The following SORCS1 variants were observed in gnomAD, a reference collection of about 807,000 sequenced individuals.
The protein encoded by SORCS1 is VPS10 domain-containing receptor SorCS1.
A neutral mutation model predicts 146.1 loss-of-function variants in SORCS1; 60 were observed. That is an observed-to-expected ratio of 0.41 (90% confidence interval 0.33 to 0.51). The LOEUF is 0.51. SORCS1 is among the 20% of genes least tolerant of loss of function. The pLI is 0.21. For missense variants in SORCS1, 1,352 were observed against 1,487.6 expected (o/e 0.91, Z 1.50); for synonymous variants, 637 against 584.0 (o/e 1.09, Z -1.31).
At chr10:106,985,920 G>A (rs1956451838) in intron 1 of SORCS1, among the ~76,000 whole-genome samples, 1 of 151,458 alleles carries the variant, frequency 6.6e-6, no homozygotes, top group Non-Finnish European at 1.5e-5. Context: ...TTTCCCCAAG[G>A]GTTCAGTCAT....
chr10:106,965,253 T>G (rs2139119674), intron 1 of SORCS1, among the ~76,000 whole-genome samples: 1 of 152,210 alleles, frequency 6.6e-6, no homozygotes, highest in Middle Eastern at 3.4e-3. Flanking sequence ...TTGTGGTTTT[T>G]GTTGTATTTT....
intron 23 of SORCS1, among the ~76,000 whole-genome samples, chr10:106,602,920 G>T (rs1369122653): frequency 1.3e-5 from 2 of 152,126 alleles, no homozygotes; most frequent in African/African-American, 4.8e-5. Context: ...TCCCTATCGA[G>T]ATCTGCCTTT....
At chr10:106,821,664 G>A (rs1038911383) in intron 3 of SORCS1, among the ~76,000 whole-genome samples, 7 of 152,202 alleles carry the variant, frequency 4.6e-5, no homozygotes, top group Admixed American at 2.6e-4. Flanking sequence ...GCTCATGCCT[G>A]TAATCCCAGC....
intron 2 of SORCS1, among the ~76,000 whole-genome samples, chr10:106,871,739 T>C (rs868729013): frequency 2.0e-5 from 3 of 152,132 alleles, no homozygotes; most frequent in African/African-American, 4.8e-5. Flanking sequence ...TGGGGTGTAA[T>C]TGAAGGTGGA....
chr10:107,074,331 A>G (rs1017587166), intron 1 of SORCS1, among the ~76,000 whole-genome samples: 1 of 152,076 alleles, frequency 6.6e-6, no homozygotes, highest in Non-Finnish European at 1.5e-5. Context: ...TCATTTAGTA[A>G]TATGTGTTTA....
intron 1 of SORCS1, among the ~76,000 whole-genome samples, chr10:106,963,110 A>ATTTTTTTTTTTTTGTTTTT (rs1955324616): frequency 1.3e-5 from 1 of 76,296 alleles, no homozygotes; most frequent in African/African-American, 4.6e-5. Flanking sequence ...AATGGCCAGA[A>ATTTTTTTTTTTTTGTTTTT]TTTTTTTTTT....
intron 23 of SORCS1, chr10:106,600,697 C>T (rs981048609): frequency 4.1e-6 from 4 of 985,314 alleles, no homozygotes; most frequent in Non-Finnish European, 4.8e-6. Flanking sequence ...TCAGTGCTGG[C>T]ATCTTCATGG....
At chr10:107,122,998 T>A (rs1966492578) in intron 1 of SORCS1, among the ~76,000 whole-genome samples, 1 of 150,876 alleles carries the variant, frequency 6.6e-6, no homozygotes, top group East Asian at 1.9e-4. Flanking sequence ...GAAATCATAT[T>A]CCTCTCCACC....
intron 9 of SORCS1, among the ~76,000 whole-genome samples, chr10:106,695,298 A>G (rs1853613366): frequency 6.6e-6 from 1 of 152,252 alleles, no homozygotes; most frequent in Non-Finnish European, 1.5e-5. Flanking sequence ...TTCTCTTTAC[A>G]TTGACTTTTC....
At chr10:106,829,810 A>G in intron 2 of SORCS1, 137 bp from the exon 3 acceptor site, 1 of 535,916 alleles carries the variant, frequency 1.9e-6, no homozygotes, top group Admixed American at 2.8e-5. Context: ...ATGATGCTTA[A>G]TTATGTACAC....
chr10:106,612,235 G>A (rs1476100883), intron 21 of SORCS1, among the ~76,000 whole-genome samples: 1 of 151,978 alleles, frequency 6.6e-6, no homozygotes, highest in Non-Finnish European at 1.5e-5. Context: ...TAATAGGCAA[G>A]AAAGAAGGTA....
intron 21 of SORCS1, 45 bp downstream of exon 21, chr10:106,618,104 T>C (rs1220253292): frequency 1.2e-6 from 2 of 1,610,978 alleles, no homozygotes; most frequent in East Asian, 2.2e-5. Context: ...GAGAACCTCC[T>C]CTGAGCATGA....
At chr10:107,017,398 A>C (rs371141423) in intron 1 of SORCS1, among the ~76,000 whole-genome samples, 1 of 152,238 alleles carries the variant, frequency 6.6e-6, no homozygotes, top group East Asian at 1.9e-4. Flanking sequence ...AAAACAAAAA[A>C]CAGACACAAA....
chr10:106,656,646 T>C (rs183957269), intron 17 of SORCS1, among the ~76,000 whole-genome samples: 46 of 150,520 alleles, frequency 3.1e-4, no homozygotes. Context: ...GTGACTTTTC[T>C]ATTTAGTAGG....
upstream of SORCS1, among the ~76,000 whole-genome samples, chr10:107,167,670 GA>G (rs535636660): frequency 1.8e-4 from 27 of 152,146 alleles, no homozygotes; most frequent in African/African-American, 6.5e-4. Context: ...GAAAATAATA[GA>G]ATTTGGTGAT....
rs1399264965 is a variant in SORCS1, at chr10:106,575,490, G to A, written c.*1930C>T. On this transcript the variant is annotated 3_prime_UTR_variant, in exon 26 of 26. Transcript: ENST00000263054. ...TTTATCAGAACTTCTTTCTCCTATA[G>A]TTTATAGTGGGCTTTGCCCAGTCCA... is the stretch of plus-strand genomic sequence containing the variant. 1 of 152,208 alleles carries A rather than the reference G, an allele frequency of 6.6e-6. No individual in the cohort carries two copies. The highest frequency in any genetic ancestry group is 1.5e-5 in the Non-Finnish European group (1 of 68,054). 9.4% of individuals were successfully genotyped at this position (152,208 alleles called of 1,614,324 possible).
At chr10:106,779,455 T>C (rs1860718216) in intron 3 of SORCS1, among the ~76,000 whole-genome samples, 1 of 152,210 alleles carries the variant, frequency 6.6e-6, no homozygotes, top group East Asian at 1.9e-4. Context: ...TGTTTGTGTT[T>C]CTTTCTACTT....
At chr10:106,855,518 T>A (rs1949752613) in intron 2 of SORCS1, among the ~76,000 whole-genome samples, 1 of 152,312 alleles carries the variant, frequency 6.6e-6, no homozygotes, top group South Asian at 2.1e-4. Flanking sequence ...ATTCCCACTA[T>A]ACATATATTA....
chr10:106,664,932 C>T (rs1348182838), intron 17 of SORCS1, among the ~76,000 whole-genome samples: 1 of 152,110 alleles, frequency 6.6e-6, no homozygotes, highest in African/African-American at 2.4e-5. Flanking sequence ...GCATTCCTTC[C>T]CCATTAAGTT....
Sources: allele counts gnomAD v4.1 joint callset (sites outside exome capture counted in the v4.1 genomes callset), GRCh38; gene constraint gnomAD v4.1.1; transcripts MANE v1.5; gene names NCBI Gene and HGNC (gene_info 2026-07-23, HGNC 2026-07-21).